The following CDH12 variants were observed in gnomAD, a reference collection of about 807,000 sequenced individuals.
CDH12 encodes the protein cadherin 12.
A neutral mutation model predicts 74.1 loss-of-function variants in CDH12; 41 were observed. The ratio of observed to expected loss-of-function variants is 0.55; its 90% CI spans 0.43 to 0.72. The LOEUF is 0.72. Among genes scored for constraint, CDH12 ranks in the 30% least tolerant of loss-of-function variants. CDH12 has a pLI of 0.00. For missense variants in CDH12, 945 were observed against 977.2 expected, an observed-to-expected ratio of 0.97 and a Z score of 0.44; for synonymous variants, 399 against 355.0, an observed-to-expected ratio of 1.12 and a Z score of -1.39.
Position 21,834,242 on chromosome 5 carries a change from T to G in CDH12, c.814+7919A>C, listed in dbSNP as rs1449404644. 2.0e-5 allele frequency among the ~76,000 whole-genome samples: 3 copies of G among 151,960 alleles called. 1 individual carries two copies. The highest frequency in any genetic ancestry group is 7.2e-5 in the African/African-American group (3 of 41,476). ...GGATACGCATGCACATAACACACAA[T>G]TCATATAACATATATATCTCATATA... On this transcript the variant is annotated intron_variant, in intron 8 of 14. Transcript: ENST00000382254.
In CDH12 at chr5:22,458,641, C is replaced by A. The variant is rs140549077; in HGVS notation, c.-428+46629G>T. On this transcript the variant is annotated intron_variant, in intron 2 of 14. Transcript: ENST00000382254. Reference sequence around the variant, plus strand: ...ATCTGAGCCTTGAAAAGAGTAACATCACAAAATTGATATGCTTTCCAAATT... The same window carrying A: ...ATCTGAGCCTTGAAAAGAGTAACATAACAAAATTGATATGCTTTCCAAATT... Among the ~76,000 whole-genome samples the A allele has an allele frequency of 3.2e-3, 486 of 152,258 alleles. 2 individuals carry two copies. The highest frequency in any genetic ancestry group is 0.011 in the African/African-American group (473 of 41,552).
chr5:21,766,148 A>G (rs942619835), intron 11 of CDH12, among the ~76,000 whole-genome samples: 2 of 152,050 alleles, frequency 1.3e-5, no homozygotes, highest in African/African-American at 4.8e-5. Context: ...ATACAAAATC[A>G]TTCCACACGA....
At chr5:21,775,429 G>A (rs1368334392) in intron 11 of CDH12, among the ~76,000 whole-genome samples, 4 of 152,026 alleles carry the variant, frequency 2.6e-5, no homozygotes, top group Non-Finnish European at 5.9e-5. Context: ...GAGAAGGAGG[G>A]CAGACTCTTA....
chr5:22,331,324 G>C (rs559235308), intron 3 of CDH12, among the ~76,000 whole-genome samples: 1 of 152,160 alleles, frequency 6.6e-6, no homozygotes, highest in Non-Finnish European at 1.5e-5. Flanking sequence ...GTAGCCACAC[G>C]TGTGCTCGCA....
rs544365279 is a variant in CDH12, at chr5:22,527,450, T to C, written c.-522-22086A>G. Among the ~76,000 whole-genome samples, 57 of 152,288 alleles carry C rather than the reference T, an allele frequency of 3.7e-4. No homozygotes were observed. In the South Asian group the frequency reaches 0.012, roughly 32 times the overall value. On this transcript the variant is annotated intron_variant, in intron 1 of 14. Coordinates refer to ENST00000382254, the MANE Select transcript of CDH12 (RefSeq NM_004061.5). ...TTTAATAAGCTTCCTATTTTACTTCTAGGAACACACTGATGACCTAACCAG... is the reference window on the plus strand; with the variant it reads ...TTTAATAAGCTTCCTATTTTACTTCCAGGAACACACTGATGACCTAACCAG...
intron 1 of CDH12, among the ~76,000 whole-genome samples, chr5:22,646,126 C>T (rs1467014841): frequency 6.6e-6 from 1 of 151,790 alleles, no homozygotes; most frequent in African/African-American, 2.4e-5. Context: ...AAAAAAGACA[C>T]ATTTTGGGAC....
rs77099217 is a variant in CDH12, at chr5:21,751,613, T to A, written c.*124A>T. The A allele has an allele frequency of 3.4e-4, 132 of 384,690 alleles. No homozygotes were observed. Among genetic ancestry groups the A allele is most frequent in the African/African-American group, 2.9e-3 (82 of 27,858 alleles). The allele number at this position is 384,690 out of a possible 1,614,324, so 23.8% of individuals were successfully genotyped here. ...ATCAAAGGAATCTTGTCCCAGAGTG[T>A]GTGTGTGTGTGTGTGTGTTTGTGTG... On this transcript the variant is annotated 3_prime_UTR_variant, in exon 15 of 15. Transcript: ENST00000382254.
intron 5 of CDH12, among the ~76,000 whole-genome samples, chr5:22,075,697 C>T (rs552847821): frequency 2.0e-4 from 31 of 152,034 alleles, no homozygotes; most frequent in Non-Finnish European, 3.2e-4. Flanking sequence ...CAGAAGGCTA[C>T]GAGTAGTTAA....
At chr5:22,420,670 A>G (rs1003127168) in intron 2 of CDH12, among the ~76,000 whole-genome samples, 4 of 152,082 alleles carry the variant, frequency 2.6e-5, no homozygotes, top group African/African-American at 9.6e-5. Flanking sequence ...TTTTTTGAAT[A>G]AAATTCAAAA....
At chr5:22,776,058 C>T (rs2126328868) in intron 1 of CDH12, among the ~76,000 whole-genome samples, 1 of 152,214 alleles carries the variant, frequency 6.6e-6, no homozygotes, top group African/African-American at 2.4e-5. Context: ...AACTGTAAGT[C>T]CAATTAAATC....
intron 3 of CDH12, among the ~76,000 whole-genome samples, chr5:22,353,011 C>A (rs984992097): frequency 2.6e-5 from 4 of 152,244 alleles, no homozygotes; most frequent in Admixed American, 2.6e-4. Flanking sequence ...CCAAACAGAT[C>A]CTCACTTATG....
At chr5:22,191,414 C>A (rs1750267739) in intron 4 of CDH12, among the ~76,000 whole-genome samples, 3 of 152,120 alleles carry the variant, frequency 2.0e-5, no homozygotes, top group African/African-American at 7.2e-5. Context: ...ACAAGAGACT[C>A]TACACTCTTA....
At chr5:22,749,208 C>T (rs1172591955) in intron 1 of CDH12, among the ~76,000 whole-genome samples, 1 of 152,224 alleles carries the variant, frequency 6.6e-6, no homozygotes, top group Non-Finnish European at 1.5e-5. Context: ...AGCATGAGCA[C>T]AGCACAGAGG....
chr5:21,782,897 C>T (rs989645397), intron 11 of CDH12, among the ~76,000 whole-genome samples: 2 of 152,066 alleles, frequency 1.3e-5, no homozygotes, highest in Admixed American at 6.6e-5. Flanking sequence ...TAGTGATAGT[C>T]ATCAAAAATA....
chr5:22,201,633 C>T (rs1750928449), intron 4 of CDH12, among the ~76,000 whole-genome samples: 1 of 151,988 alleles, frequency 6.6e-6, no homozygotes, highest in East Asian at 1.9e-4. Context: ...ATATATATTG[C>T]ATATAACAAA....
chr5:21,892,838 C>G (rs897101184), intron 6 of CDH12, among the ~76,000 whole-genome samples: 14 of 151,976 alleles, frequency 9.2e-5, no homozygotes, highest in Non-Finnish European at 2.9e-5. Context: ...TTAAAAAACC[C>G]GCTTGATCTA....
At chr5:22,842,655 T>G (rs556856452) in intron 1 of CDH12, among the ~76,000 whole-genome samples, 1 of 152,152 alleles carries the variant, frequency 6.6e-6, no homozygotes, top group East Asian at 1.9e-4. Flanking sequence ...GAACGAAAGA[T>G]GAAATCCCAT....
At position 22,125,510 on chromosome 5, in the gene CDH12, T is replaced by C. The variant is rs150857487; in HGVS notation, c.-186-46648A>G. Reference sequence around the variant, plus strand: ...CACATTTTCTTTATCCAGTCTATCATTGATGGGCATTTGGACAACCATATT... The same window carrying C: ...CACATTTTCTTTATCCAGTCTATCACTGATGGGCATTTGGACAACCATATT... On this transcript the variant is annotated intron_variant, in intron 4 of 14. Coordinates refer to ENST00000382254, the MANE Select transcript of CDH12 (RefSeq NM_004061.5). 5.0e-3 allele frequency among the ~76,000 whole-genome samples: 766 copies of C among 152,316 alleles called. 5 individuals are homozygous for C. Among genetic ancestry groups the C allele is most frequent in the African/African-American group, 0.017 (705 of 41,562 alleles).
intron 2 of CDH12, among the ~76,000 whole-genome samples, chr5:22,443,685 A>C (rs929704171): frequency 2.0e-5 from 3 of 152,174 alleles, no homozygotes; most frequent in Non-Finnish European, 4.4e-5. Flanking sequence ...TGTATGCATC[A>C]ATCAATGGTT....
Sources: allele counts gnomAD v4.1 joint callset (sites outside exome capture counted in the v4.1 genomes callset), GRCh38; gene constraint gnomAD v4.1.1; transcripts MANE v1.5; gene names NCBI Gene and HGNC (gene_info 2026-07-23, HGNC 2026-07-21).